The following MAOA variants were observed in gnomAD, a reference collection of about 807,000 sequenced individuals.
MAOA encodes the protein monoamine oxidase A.
Under a neutral mutation model 42.0 loss-of-function variants are expected in MAOA, and 6 were observed. The observed-to-expected ratio is 0.14, with a 90% CI of 0.08 to 0.28. The LOEUF (loss-of-function observed/expected upper bound fraction) is 0.28. Among genes scored for constraint, MAOA ranks in the 10% least tolerant of loss-of-function variants. MAOA has a pLI of 1.00. For synonymous variants in MAOA, 140 were observed against 154.0 expected (o/e 0.91, Z 0.67); for missense variants, 262 against 422.3 (o/e 0.62, Z 3.33).
chrX:43,684,151 G>A (rs2033465966), intron 2 of MAOA, among the ~76,000 whole-genome samples: 1 of 111,859 alleles, frequency 8.9e-6, no homozygotes, highest in Admixed American at 9.5e-5. Context: ...TAAGAAGTAT[G>A]CTTCTGCCAG....
chrX:43,728,113 T>G, intron 5 of MAOA, 60 bp from the exon 6 acceptor site: 1 of 1,088,275 alleles, frequency 9.2e-7, no homozygotes, highest in South Asian at 1.8e-5. Flanking sequence ...TGTAAAAACA[T>G]GACATTCTCT....
At chrX:43,667,521 T>A (rs1383875313) in intron 1 of MAOA, among the ~76,000 whole-genome samples, 1 of 111,734 alleles carries the variant, frequency 8.9e-6, no homozygotes, top group Non-Finnish European at 1.9e-5. Flanking sequence ...TCCATTGTTA[T>A]CCATGCCTTA....
At position 43,705,753 on chromosome X, in the gene MAOA, C is replaced by T. The variant is rs1054999374; in HGVS notation, c.307-6119C>T. ...CCGAACATATAAAGAACTCTAACAA[C>T]TCAATAATAAAAAGACAAACAACCC... is the stretch of plus-strand genomic sequence containing the variant. On this transcript the variant is annotated intron_variant, in intron 3 of 14. Coordinates refer to ENST00000338702, the MANE Select transcript of MAOA (RefSeq NM_000240.4). 2.7e-5 allele frequency among the ~76,000 whole-genome samples: 3 copies of T among 111,654 alleles called. No individual in the cohort carries two copies. The Admixed American group carries it at 2.9e-4, about 11-fold the overall frequency.
intron 1 of MAOA, among the ~76,000 whole-genome samples, chrX:43,665,596 C>T (rs1013557708): frequency 5.4e-5 from 6 of 111,444 alleles, no homozygotes; most frequent in East Asian, 2.8e-4. Context: ...AAGATGAATG[C>T]GGAACAATAA....
intron 1 of MAOA, among the ~76,000 whole-genome samples, chrX:43,668,366 A>T (rs769854806): frequency 3.8e-4 from 43 of 111,938 alleles, no homozygotes; most frequent in South Asian, 3.7e-3. Context: ...TTATATTTTG[A>T]AGAAATGAAC....
At position 43,712,630 on chromosome X, in the gene MAOA, G is replaced by A; in HGVS notation, c.412-75G>A. On this transcript the variant is annotated intron_variant, in intron 4 of 14. Coordinates refer to ENST00000338702, the MANE Select transcript of MAOA (RefSeq NM_000240.4). ...AGAGACCAAGAGACCCATTTTCAGA[G>A]GTTTTCATGAGGGCCTTCCCGAGAA... 6.2e-6 allele frequency: 4 copies of A among 650,370 alleles called. No individual in the cohort carries two copies. In the South Asian group the frequency reaches 9.1e-5, roughly 15 times the overall value. 53.6% of individuals were successfully genotyped at this position (650,370 alleles called of 1,213,427 possible).
chrX:43,676,237 A>T (rs1042310661), intron 1 of MAOA, among the ~76,000 whole-genome samples: 1 of 111,657 alleles, frequency 9.0e-6, no homozygotes, highest in African/African-American at 3.2e-5. Flanking sequence ...TGGGCGTAGG[A>T]CCCTCTGAGC....
intron 5 of MAOA, among the ~76,000 whole-genome samples, chrX:43,713,420 C>T (rs142369182): frequency 0.032 from 3,598 of 111,271 alleles, 54 homozygotes; most frequent in Non-Finnish European, 0.049. Flanking sequence ...GTGCAGCAAA[C>T]CACTATGGCA....
In MAOA at chrX:43,742,027, G is replaced by T. The variant is rs774182469; in HGVS notation, c.1242G>T (p.Gly414=). The change falls in exon 12 of 15, where the codon GGG becomes GGT. Residue 414 remains glycine, a synonymous_variant. Coordinates refer to ENST00000338702, the MANE Select transcript of MAOA (RefSeq NM_000240.4). Reference sequence around the variant, plus strand: ...GCTACACGGCCTACTTCCCTCCTGGGATCATGACTCAATATGGAAGGTATT... The same window carrying T: ...GCTACACGGCCTACTTCCCTCCTGGTATCATGACTCAATATGGAAGGTATT... ...GGCYTAYFPP[G]IMTQYGRVIR... The T allele has an allele frequency of 1.7e-6, 2 of 1,209,747 alleles. No individual in the cohort carries two copies. The highest frequency in any genetic ancestry group is 3.5e-5 in the African/African-American group (2 of 57,051).
intron 5 of MAOA, among the ~76,000 whole-genome samples, chrX:43,714,000 A>G (rs1049734947): frequency 9.0e-6 from 1 of 111,320 alleles, no homozygotes; most frequent in African/African-American, 3.3e-5. Context: ...GGAAGGGTGG[A>G]TGGTGTGGTA....
At chrX:43,693,651 C>A (rs1048855641) in intron 3 of MAOA, among the ~76,000 whole-genome samples, 4 of 110,900 alleles carry the variant, frequency 3.6e-5, no homozygotes, top group Non-Finnish European at 7.6e-5. Flanking sequence ...CTCAGCTTGA[C>A]CTTCCTCCCT....
Position 43,731,190 on chromosome X carries a change from C to T in MAOA, c.646-51C>T, listed in dbSNP as rs1335585310. The stretch of plus-strand genomic sequence containing the variant: ...TCTAATCAGTAGCCAGTAGGATTTT[C>T]CTTCCTTGGGCTTTCATAATGTTTC... On this transcript the variant is annotated intron_variant, in intron 6 of 14. Coordinates refer to ENST00000338702, the MANE Select transcript of MAOA (RefSeq NM_000240.4). The T allele has an allele frequency of 3.4e-6, 4 of 1,167,189 alleles. No individual in the cohort carries two copies. In the African/African-American group the frequency reaches 7.0e-5, roughly 21 times the overall value.
chrX:43,693,477 G>C, intron 3 of MAOA, 49 bp downstream of exon 3: 1 of 1,174,434 alleles, frequency 8.5e-7, no homozygotes, highest in Non-Finnish European at 1.2e-6. Context: ...CATTTTATTT[G>C]AGAAAACATT....
intron 1 of MAOA, among the ~76,000 whole-genome samples, chrX:43,668,196 A>C (rs1006973427): frequency 1.8e-5 from 2 of 112,317 alleles, no homozygotes; most frequent in Non-Finnish European, 3.8e-5. Context: ...ATAAGCCAAA[A>C]TGGTACCTTA....
At chrX:43,736,311 A>AAAGTTAGCT in intron 10 of MAOA, 31 bp downstream of exon 10, 1 of 1,045,100 alleles carries the variant, frequency 9.6e-7, no homozygotes, top group Non-Finnish European at 1.3e-6. Context: ...AATAGATGAA[A>AAAGTTAGCT]AAGTTAGCTT....
At chrX:43,732,654 G>A in intron 8 of MAOA, 45 bp from the exon 9 acceptor site, 1 of 883,498 alleles carries the variant, frequency 1.1e-6, no homozygotes, top group Non-Finnish European at 1.7e-6. Context: ...GGGTGTCTCT[G>A]ATGAGCTTGA....
At chrX:43,655,095 G>T (rs763017181), upstream of MAOA, 368 of 61,336 alleles carry the variant, frequency 6.0e-3, no homozygotes, top group African/African-American at 0.019. Context: ...CTCCTTCCCC[G>T]GCGGCACCGG....
chrX:43,719,351 G>A (rs926813614), intron 5 of MAOA, among the ~76,000 whole-genome samples: 18 of 110,939 alleles, frequency 1.6e-4, no homozygotes, highest in African/African-American at 5.6e-4. Flanking sequence ...TATTTTCCTG[G>A]TGTGACCCGC....
intron 3 of MAOA, among the ~76,000 whole-genome samples, chrX:43,696,472 G>A (rs28619059): frequency 8.0e-5 from 9 of 112,329 alleles, no homozygotes; most frequent in African/African-American, 2.9e-4. Flanking sequence ...GCTCATGCCT[G>A]TAATCCCAGC....
Sources: gnomAD v4.1 joint callset for allele counts (sites outside exome capture counted in the v4.1 genomes callset) on GRCh38, gnomAD v4.1.1 for gene constraint, MANE v1.5 for transcripts, NCBI Gene and HGNC (gene_info 2026-07-23, HGNC 2026-07-21) for gene names.